Variants in PTPRM observed in about 807,000 individuals in gnomAD.
The protein encoded by PTPRM is protein tyrosine phosphatase receptor type M, also known as receptor-type tyrosine-protein phosphatase mu.
A neutral mutation model predicts 186.7 loss-of-function variants in PTPRM; 47 were observed. That is an observed-to-expected ratio of 0.25 (90% CI 0.20 to 0.32). The LOEUF is 0.32. PTPRM is among the 10% of genes least tolerant of loss of function. PTPRM has a pLI of 1.00. For missense variants in PTPRM, 1,494 were observed against 1,865.0 expected (o/e 0.80, Z 3.66); for synonymous variants, 668 against 674.9 (o/e 0.99, Z 0.16).
At chr18:8,240,514 G>T in intron 14 of PTPRM, among the ~76,000 whole-genome samples, 2 of 82,538 alleles carry the variant, frequency 2.4e-5, no homozygotes, top group Non-Finnish European at 2.3e-5. Context: ...AGGAAGGAAG[G>T]AAGGAAGGAA....
At chr18:8,140,273 A>C (rs991010650) in intron 13 of PTPRM, among the ~76,000 whole-genome samples, 2 of 152,084 alleles carry the variant, frequency 1.3e-5, no homozygotes, top group Admixed American at 6.5e-5. Flanking sequence ...TCAGTAGTCA[A>C]AATTGGGCCC....
At chr18:7,894,775 A>G (rs1386591461) in intron 3 of PTPRM, among the ~76,000 whole-genome samples, 1 of 152,076 alleles carries the variant, frequency 6.6e-6, no homozygotes, top group Non-Finnish European at 1.5e-5. Flanking sequence ...CATCTAAAGG[A>G]GGTGACACCT....
intron 11 of PTPRM, among the ~76,000 whole-genome samples, chr18:8,108,426 T>C (rs1049991842): frequency 3.3e-5 from 5 of 152,172 alleles, no homozygotes; most frequent in African/African-American, 7.2e-5. Context: ...CCCTCTGATA[T>C]CTTATGGTGA....
chr18:7,620,258 T>C (rs2037905917), intron 1 of PTPRM, among the ~76,000 whole-genome samples: 1 of 152,170 alleles, frequency 6.6e-6, no homozygotes, highest in African/African-American at 2.4e-5. Flanking sequence ...TGTTGTCTGT[T>C]TCCCATAGGT....
At chr18:7,841,862 G>A (rs2046342466) in intron 2 of PTPRM, among the ~76,000 whole-genome samples, 1 of 152,096 alleles carries the variant, frequency 6.6e-6, no homozygotes, top group South Asian at 2.1e-4. Context: ...GTGTAAAAGT[G>A]CTAGAACAAA....
intron 24 of PTPRM, among the ~76,000 whole-genome samples, chr18:8,375,484 G>A (rs2095688951): frequency 6.6e-6 from 1 of 152,208 alleles, no homozygotes; most frequent in African/African-American, 2.4e-5. Flanking sequence ...ATGCAAATGA[G>A]CTCTCTGACC....
chr18:8,240,803 A>G (rs1237339106), intron 14 of PTPRM, among the ~76,000 whole-genome samples: 11 of 46,490 alleles, frequency 2.4e-4, no homozygotes, highest in Non-Finnish European at 4.5e-4. Flanking sequence ...AGAGAGAGAG[A>G]GAGAGAGAGA....
intron 11 of PTPRM, among the ~76,000 whole-genome samples, chr18:8,099,299 C>T (rs1314057663): frequency 6.6e-6 from 1 of 152,182 alleles, no homozygotes; most frequent in East Asian, 1.9e-4. Flanking sequence ...GATTCATTCA[C>T]TGCACTGGCT....
At chr18:8,250,189 G>A (rs1294716647) in intron 17 of PTPRM, among the ~76,000 whole-genome samples, 2 of 151,790 alleles carry the variant, frequency 1.3e-5, no homozygotes, top group African/African-American at 4.9e-5. Context: ...TAGAGCTGGA[G>A]TATATCTTTA....
chr18:7,820,431 A>G (rs2045121588), intron 2 of PTPRM, among the ~76,000 whole-genome samples: 1 of 152,230 alleles, frequency 6.6e-6, no homozygotes, highest in African/African-American at 2.4e-5. Context: ...AAGTCTTCAG[A>G]CAATAACCCC....
At chr18:8,390,120 G>C (rs917294857) in intron 31 of PTPRM, among the ~76,000 whole-genome samples, 1 of 152,204 alleles carries the variant, frequency 6.6e-6, no homozygotes, top group African/African-American at 2.4e-5. Context: ...ATAGAAAACA[G>C]CTAATCTTCT....
chr18:7,862,730 T>G (rs2047457881), intron 2 of PTPRM, among the ~76,000 whole-genome samples: 1 of 152,204 alleles, frequency 6.6e-6, no homozygotes, highest in South Asian at 2.1e-4. Context: ...AGTTGCTCAA[T>G]AAATGTAACA....
At chr18:8,126,887 C>T (rs1354305937) in intron 13 of PTPRM, among the ~76,000 whole-genome samples, 1 of 151,994 alleles carries the variant, frequency 6.6e-6, no homozygotes, top group African/African-American at 2.4e-5. Flanking sequence ...GTCATCATGG[C>T]TGGAGAGCAG....
chr18:7,929,611 G>A (rs990348997), intron 5 of PTPRM, among the ~76,000 whole-genome samples: 4 of 152,122 alleles, frequency 2.6e-5, no homozygotes, highest in Admixed American at 6.5e-5. Context: ...GCATTTTGTG[G>A]GGAAATATTT....
chr18:8,031,894 G>A (rs1182381281), intron 7 of PTPRM, among the ~76,000 whole-genome samples: 1 of 152,134 alleles, frequency 6.6e-6, no homozygotes, highest in Non-Finnish European at 1.5e-5. Flanking sequence ...ATAAACAACT[G>A]AAGACACATT....
intron 1 of PTPRM, among the ~76,000 whole-genome samples, chr18:7,689,938 A>T (rs542125891): frequency 2.6e-5 from 4 of 152,302 alleles, no homozygotes; most frequent in African/African-American, 9.6e-5. Flanking sequence ...CTCTATTTAC[A>T]TTATCTTTTA....
chr18:7,806,003 C>T (rs1290839407), intron 2 of PTPRM, among the ~76,000 whole-genome samples: 2 of 152,204 alleles, frequency 1.3e-5, no homozygotes, highest in African/African-American at 4.8e-5. Context: ...AGGGGAATAA[C>T]TTGAGAAGAT....
chr18:7,880,198 G>A (rs2048435257), intron 2 of PTPRM, among the ~76,000 whole-genome samples: 1 of 152,124 alleles, frequency 6.6e-6, no homozygotes, highest in Non-Finnish European at 1.5e-5. Context: ...AATTTGGGTG[G>A]GGACACAGCC....
At chr18:8,129,991 A>G (rs2092463394) in intron 13 of PTPRM, among the ~76,000 whole-genome samples, 1 of 152,162 alleles carries the variant, frequency 6.6e-6, no homozygotes, top group Non-Finnish European at 1.5e-5. Flanking sequence ...GTGTTCTTCC[A>G]TGTCTCCAAT....
Sources: gnomAD v4.1 joint callset for allele counts (sites outside exome capture counted in the v4.1 genomes callset) on GRCh38, gnomAD v4.1.1 for gene constraint, MANE v1.5 for transcripts, NCBI Gene and HGNC (gene_info 2026-07-23, HGNC 2026-07-21) for gene names.